Variants in PEX14 observed in about 807,000 individuals in gnomAD.
PEX14 encodes the protein peroxisomal biogenesis factor 14, also known as peroxisomal membrane protein PEX14.
In PEX14, 15 loss-of-function variants were observed where a neutral mutation model predicts 49.5. The ratio of observed to expected loss-of-function variants is 0.30; its 90% CI spans 0.20 to 0.47. The LOEUF is 0.47. PEX14 is among the 20% of genes least tolerant of loss of function. The pLI is 1.00. For missense variants in PEX14, 398 were observed against 494.8 expected (o/e 0.80, Z 1.86); for synonymous variants, 210 against 212.7 (o/e 0.99, Z 0.11).
chr1:10,600,655 T>G (rs1640956508), intron 4 of PEX14, among the ~76,000 whole-genome samples: 1 of 151,202 alleles, frequency 6.6e-6, no homozygotes, highest in South Asian at 2.1e-4. Flanking sequence ...GAGGTGGAAG[T>G]TGCAGTGAGC....
At chr1:10,551,834 G>A (rs1639342000) in intron 3 of PEX14, among the ~76,000 whole-genome samples, 1 of 152,158 alleles carries the variant, frequency 6.6e-6, no homozygotes, top group South Asian at 2.1e-4. Context: ...CAGGCACGGT[G>A]GCTCATGCCT....
intron 1 of PEX14, among the ~76,000 whole-genome samples, chr1:10,483,009 CGTT>C (rs1464074093): frequency 6.6e-6 from 1 of 152,064 alleles, no homozygotes; most frequent in Non-Finnish European, 1.5e-5. Flanking sequence ...ATGTAAGTGA[CGTT>C]GTGTCTATCT....
chr1:10,508,898 C>T (rs571296782), intron 2 of PEX14, among the ~76,000 whole-genome samples: 2 of 152,158 alleles, frequency 1.3e-5, no homozygotes, highest in African/African-American at 4.8e-5. Context: ...TTCCATCCAG[C>T]TCCACTGCAG....
intron 3 of PEX14, among the ~76,000 whole-genome samples, chr1:10,586,627 CCTTTTTTTTTTTTTT>C (rs1187289722): frequency 1.6e-4 from 20 of 128,098 alleles, no homozygotes; most frequent in African/African-American, 5.5e-4. Flanking sequence ...GAGCCGTTTA[CCTTTTTTTTTTTTTT>C]TTTTTTTTTT....
chr1:10,545,575 G>A (rs1405081554), intron 3 of PEX14, among the ~76,000 whole-genome samples: 1 of 152,172 alleles, frequency 6.6e-6, no homozygotes, highest in African/African-American at 2.4e-5. Context: ...GTCATGTTTG[G>A]ACTACTTCAG....
intron 1 of PEX14, among the ~76,000 whole-genome samples, chr1:10,476,585 G>A (rs1176613432): frequency 1.3e-5 from 2 of 151,886 alleles, no homozygotes; most frequent in East Asian, 3.9e-4. Context: ...ACTGCCTCCC[G>A]GGTTCGAGCA....
chr1:10,508,135 C>T (rs1158032252), intron 2 of PEX14, among the ~76,000 whole-genome samples: 1 of 152,092 alleles, frequency 6.6e-6, no homozygotes, highest in Non-Finnish European at 1.5e-5. Flanking sequence ...AGAGGTTTCT[C>T]TTCAATTCTA....
At chr1:10,584,341 C>T (rs59120752) in intron 3 of PEX14, among the ~76,000 whole-genome samples, 11,399 of 152,086 alleles carry the variant, frequency 0.075, 562 homozygotes, top group Middle Eastern at 0.15. Context: ...ATCAGGTGGG[C>T]AGAGGGATAT....
chr1:10,528,482 T>G (rs1294972718), intron 2 of PEX14: 2 of 161,722 alleles, frequency 1.2e-5, no homozygotes, highest in African/African-American at 2.4e-5. Context: ...ATATTTTTAG[T>G]GTTGGAGTCA....
intron 2 of PEX14, among the ~76,000 whole-genome samples, chr1:10,525,992 G>C (rs1487083510): frequency 6.8e-6 from 1 of 146,630 alleles, no homozygotes; most frequent in Non-Finnish European, 1.5e-5. Flanking sequence ...TGTGATCTTG[G>C]CTCACTGCAA....
At chr1:10,547,807 TA>T (rs1401680832) in intron 3 of PEX14, among the ~76,000 whole-genome samples, 3 of 152,206 alleles carry the variant, frequency 2.0e-5, no homozygotes, top group South Asian at 4.1e-4. Flanking sequence ...AGTCTATTAT[TA>T]TTTTTTTAGA....
At position 10,627,455 on chromosome 1, in the gene PEX14, C is replaced by T. The variant is rs546390853; in HGVS notation, c.677+92C>T. The T allele has an allele frequency of 2.1e-5, 19 of 894,390 alleles. No individual in the cohort carries two copies. In the South Asian group the frequency reaches 2.5e-4, roughly 12 times the overall value. 55.4% of individuals were successfully genotyped at this position (894,390 alleles called of 1,614,324 possible). A position where few individuals can be genotyped will look rare whatever the true frequency, so the allele number is the denominator to read the frequency against. ...ATGGGAGGGGCATGACGCCCACCCC[C>T]ACCCCCAAGGACCCCATCTGTCTGG... On this transcript the variant is annotated intron_variant, in intron 8 of 8. Coordinates refer to ENST00000356607, the MANE Select transcript of PEX14 (RefSeq NM_004565.3).
At chr1:10,581,150 C>T (rs1412903981) in intron 3 of PEX14, among the ~76,000 whole-genome samples, 2 of 152,048 alleles carry the variant, frequency 1.3e-5, no homozygotes, top group African/African-American at 2.4e-5. Flanking sequence ...AAATAGTATG[C>T]TGTTGCCACG....
intron 2 of PEX14, among the ~76,000 whole-genome samples, chr1:10,519,193 C>T (rs1642024026): frequency 1.3e-5 from 2 of 152,092 alleles, no homozygotes; most frequent in African/African-American, 2.4e-5. Flanking sequence ...TCAGCCCAGC[C>T]GTGACAAACT....
chr1:10,624,516 C>A, intron 7 of PEX14, 79 bp downstream of exon 7: 1 of 988,028 alleles, frequency 1.0e-6, no homozygotes, highest in Non-Finnish European at 1.6e-6. Context: ...TTGGGCCGGG[C>A]TTGCCACCTT....
intron 3 of PEX14, among the ~76,000 whole-genome samples, chr1:10,540,213 C>T (rs965771089): frequency 2.0e-5 from 3 of 152,188 alleles, no homozygotes; most frequent in African/African-American, 7.2e-5. Flanking sequence ...AGAAACCTGG[C>T]GGTCCCAACC....
chr1:10,530,451 A>G (rs528661535), intron 2 of PEX14, among the ~76,000 whole-genome samples: 3 of 152,202 alleles, frequency 2.0e-5, no homozygotes, highest in African/African-American at 4.8e-5. Flanking sequence ...GGCTCCGGCT[A>G]GGGGGCACTT....
intron 2 of PEX14, among the ~76,000 whole-genome samples, chr1:10,510,114 T>C (rs1176145681): frequency 6.6e-6 from 1 of 152,170 alleles, no homozygotes; most frequent in African/African-American, 2.4e-5. Flanking sequence ...AAGTTGGGCT[T>C]GACTAGATCG....
intron 2 of PEX14, among the ~76,000 whole-genome samples, chr1:10,534,003 G>A (rs1344528642): frequency 1.3e-5 from 2 of 152,312 alleles, no homozygotes; most frequent in East Asian, 1.9e-4. Context: ...GTGTGTTCCA[G>A]TGGTGGGATT....
Sources: gnomAD v4.1 joint callset for allele counts (sites outside exome capture counted in the v4.1 genomes callset) on GRCh38, gnomAD v4.1.1 for gene constraint, MANE v1.5 for transcripts, NCBI Gene and HGNC (gene_info 2026-07-23, HGNC 2026-07-21) for gene names.